Variants in TNRC6C observed in about 807,000 individuals in gnomAD.
TNRC6C encodes trinucleotide repeat containing adaptor 6C.
A neutral mutation model predicts 153.7 loss-of-function variants in TNRC6C; 20 were observed. That is an observed-to-expected ratio of 0.13 (90% CI 0.09 to 0.19). The LOEUF (loss-of-function observed/expected upper bound fraction) is 0.19, where lower values mean the gene tolerates loss of function less well. TNRC6C is among the 10% of genes least tolerant of loss of function. The pLI is 1.00. For missense variants in TNRC6C, 1,987 were observed against 2,172.0 expected, an observed-to-expected ratio of 0.91 and a Z score of 1.69; for synonymous variants, 811 against 841.4, an observed-to-expected ratio of 0.96 and a Z score of 0.63.
At chr17:78,073,179 A>G in intron 7 of TNRC6C, 85 bp downstream of exon 9, 3 of 1,191,664 alleles carry the variant, frequency 2.5e-6, no homozygotes, top group Non-Finnish European at 3.6e-6. Context: ...TCATGGTTTA[A>G]TGGTTAATAT....
chr17:77,999,267 GGTTT>G (rs2071376003), upstream of TNRC6C, among the ~76,000 whole-genome samples: 1 of 152,182 alleles, frequency 6.6e-6, no homozygotes, highest in Admixed American at 6.5e-5. Flanking sequence ...GCGAAAGATG[GGTTT>G]CTCTTGGTTG....
chr17:78,083,209 T>C (rs374238087), intron 11 of TNRC6C, 43 bp downstream of exon 13: 3 of 1,610,886 alleles, frequency 1.9e-6, no homozygotes, highest in Non-Finnish European at 2.5e-6. Flanking sequence ...GCAGGCCGAG[T>C]GCAGATGCAC....
intron 1 of TNRC6C, among the ~76,000 whole-genome samples, chr17:77,991,718 G>A (rs1330318785): frequency 1.3e-5 from 2 of 152,162 alleles, no homozygotes; most frequent in Non-Finnish European, 2.9e-5. Context: ...ATATATATAA[G>A]AAATTGTTTT....
At chr17:78,100,185 A>G (rs944877517) in intron 17 of TNRC6C, among the ~76,000 whole-genome samples, 4 of 152,178 alleles carry the variant, frequency 2.6e-5, no homozygotes, top group Non-Finnish European at 5.9e-5. Flanking sequence ...TGGATCTACC[A>G]TTCTGGGGTC....
chr17:78,028,112 A>C (rs1336991485), intron 1 of TNRC6C, among the ~76,000 whole-genome samples: 3 of 151,912 alleles, frequency 2.0e-5, no homozygotes, highest in Non-Finnish European at 2.9e-5. Context: ...GTTAGTCAGG[A>C]TGGTCTCGAT....
chr17:78,016,318 C>T (rs2071727779), intron 1 of TNRC6C, among the ~76,000 whole-genome samples: 1 of 152,204 alleles, frequency 6.6e-6, no homozygotes, highest in Non-Finnish European at 1.5e-5. Context: ...GCACCCACAG[C>T]CAGTACCTGC....
intron 1 of TNRC6C, among the ~76,000 whole-genome samples, chr17:77,959,491 G>A (rs1398080905): frequency 1.3e-5 from 2 of 152,142 alleles, no homozygotes; most frequent in African/African-American, 2.4e-5. Flanking sequence ...GACGCCCGGT[G>A]TGCATCACAA....
chr17:78,072,010 C>T (rs1385240747), intron 6 of TNRC6C, among the ~76,000 whole-genome samples: 1 of 152,212 alleles, frequency 6.6e-6, no homozygotes. Context: ...CATGTATTCG[C>T]TTCATGGGAC....
chr17:78,081,836 A>G (rs2073186293), intron 10 of TNRC6C, among the ~76,000 whole-genome samples: 1 of 152,124 alleles, frequency 6.6e-6, no homozygotes, highest in Admixed American at 6.6e-5. Flanking sequence ...GTGCCGTCTC[A>G]CTGTTTCTTC....
chr17:78,004,777 T>A (rs906928524), upstream of TNRC6C, among the ~76,000 whole-genome samples: 1 of 152,156 alleles, frequency 6.6e-6, no homozygotes, highest in African/African-American at 2.4e-5. Flanking sequence ...GTTTAATGTA[T>A]CTTGTAGTTT....
intron 2 of TNRC6C, among the ~76,000 whole-genome samples, chr17:78,035,213 T>C (rs1256549170): frequency 6.6e-6 from 1 of 152,144 alleles, no homozygotes; most frequent in African/African-American, 2.4e-5. Context: ...GTTGTTACGG[T>C]GTTGGCACAG....
At chr17:77,991,951 G>A (rs895706309) in intron 1 of TNRC6C, among the ~76,000 whole-genome samples, 4 of 152,184 alleles carry the variant, frequency 2.6e-5, no homozygotes, top group Admixed American at 1.3e-4. Context: ...GTACGCAGAG[G>A]TCCTCTGAGC....
rs77616106 is a variant in TNRC6C, at chr17:77,965,173, A to G, written c.-38+5905A>G. ...CAGATGAGCAAAGGGAGTAATTTCC[A>G]CAAGATCCTATAGCTTATAGGAGAT... On this transcript the variant is annotated intron_variant, in intron 1 of 22. Coordinates refer to the TNRC6C transcript ENST00000636222. 1.7e-4 allele frequency among the ~76,000 whole-genome samples: 26 copies of G among 152,372 alleles called. No homozygotes were observed. In the East Asian group the frequency reaches 4.4e-3, roughly 26 times the overall value.
At chr17:78,069,343 C>G (rs955444909) in intron 5 of TNRC6C, among the ~76,000 whole-genome samples, 3 of 152,138 alleles carry the variant, frequency 2.0e-5, no homozygotes, top group Non-Finnish European at 4.4e-5. Flanking sequence ...AGACAGCACT[C>G]AGAGACACCT....
At chr17:77,998,641 G>A (rs2071365471) in intron 1 of TNRC6C, among the ~76,000 whole-genome samples, 1 of 152,070 alleles carries the variant, frequency 6.6e-6, no homozygotes, top group South Asian at 2.1e-4. Flanking sequence ...AGATGGTTTA[G>A]TTTTTTAGTT....
intron 1 of TNRC6C, among the ~76,000 whole-genome samples, chr17:77,985,996 T>A (rs1245164696): frequency 6.6e-6 from 1 of 152,202 alleles, no homozygotes; most frequent in East Asian, 1.9e-4. Context: ...AGTCAGTAAC[T>A]GGACTAGATA....
intron 3 of TNRC6C, among the ~76,000 whole-genome samples, chr17:78,058,621 G>A (rs2072705354): frequency 1.3e-5 from 2 of 152,216 alleles, no homozygotes; most frequent in Admixed American, 1.3e-4. Flanking sequence ...TCCAACAATG[G>A]CTAGAAGTAA....
At chr17:78,061,057 T>C (rs1567945124) in intron 3 of TNRC6C, among the ~76,000 whole-genome samples, 2 of 152,236 alleles carry the variant, frequency 1.3e-5, no homozygotes, top group Non-Finnish European at 1.5e-5. Flanking sequence ...TAAAATTGAA[T>C]GAAAACTACA....
chr17:78,011,588 TC>T (rs2071632225), intron 1 of TNRC6C, among the ~76,000 whole-genome samples: 1 of 152,248 alleles, frequency 6.6e-6, no homozygotes, highest in South Asian at 2.1e-4. Context: ...ATTCTCCTGT[TC>T]ATGGACATCT....
Sources: allele counts gnomAD v4.1 joint callset (sites outside exome capture counted in the v4.1 genomes callset), GRCh38; gene constraint gnomAD v4.1.1; transcripts MANE v1.5; gene names NCBI Gene and HGNC (gene_info 2026-07-23, HGNC 2026-07-21).